The following RAB37 variants were observed in gnomAD, a reference collection of about 807,000 sequenced individuals.
The protein encoded by RAB37 is ras-related protein Rab-37.
A neutral mutation model predicts 33.1 loss-of-function variants in RAB37; 29 were observed. The observed-to-expected ratio is 0.88, with a 90% CI of 0.65 to 1.20. The LOEUF (loss-of-function observed/expected upper bound fraction) is 1.20, where lower values mean the gene tolerates loss of function less well. RAB37 is among the 50% of genes most tolerant of loss of function. RAB37 has a pLI of 0.00. For missense variants in RAB37, 299 were observed against 301.1 expected, an observed-to-expected ratio of 0.99 and a Z score of 0.05; for synonymous variants, 128 against 119.5, an observed-to-expected ratio of 1.07 and a Z score of -0.47.
chr17:74,727,601 C>A (rs1045460527), intron 1 of RAB37, among the ~76,000 whole-genome samples: 3 of 152,238 alleles, frequency 2.0e-5, no homozygotes, highest in African/African-American at 7.2e-5. Flanking sequence ...GGAAGCATGA[C>A]CTTGGTGCAA....
At chr17:74,736,948 TC>T, upstream of RAB37, 1 of 1,520,582 alleles carries the variant, frequency 6.6e-7, no homozygotes. Flanking sequence ...GCAGACGGGG[TC>T]CCCGCGGCCC....
chr17:74,707,055 G>T (rs539425762), intron 1 of RAB37, among the ~76,000 whole-genome samples: 1 of 152,194 alleles, frequency 6.6e-6, no homozygotes, highest in African/African-American at 2.4e-5. Context: ...TAATGGAAAA[G>T]CTCCACAACA....
intron 1 of RAB37, among the ~76,000 whole-genome samples, chr17:74,721,589 T>C (rs2034241662): frequency 6.6e-6 from 1 of 152,068 alleles, no homozygotes; most frequent in South Asian, 2.1e-4. Context: ...CACGTCACCA[T>C]GCCCTGCTAA....
rs2032283267 is a variant in RAB37 at position 74,694,944 on chromosome 17, C to G, written c.72+23286C>G. ...CTAGAAGCCCCCTGAGACTTGGCCCCAAGCCCAACCCAGAGCTAGGGGCAA... is the reference window on the plus strand; with the variant it reads ...CTAGAAGCCCCCTGAGACTTGGCCCGAAGCCCAACCCAGAGCTAGGGGCAA... On this transcript the variant is annotated intron_variant, in intron 1 of 7. Transcript: ENST00000340415. The G allele has an allele frequency of 1.3e-5, 11 of 834,996 alleles. No homozygotes were observed. The East Asian group carries it at 2.9e-4, about 22-fold the overall frequency. 51.7% of individuals were successfully genotyped at this position (834,996 alleles called of 1,614,324 possible).
At chr17:74,689,538 A>G (rs1324904056) in intron 1 of RAB37, among the ~76,000 whole-genome samples, 1 of 152,214 alleles carries the variant, frequency 6.6e-6, no homozygotes, top group Admixed American at 6.5e-5. Context: ...GAACTGACCA[A>G]TTACCAATTC....
chr17:74,696,655 C>G (rs989037823), intron 1 of RAB37, among the ~76,000 whole-genome samples: 48 of 152,124 alleles, frequency 3.2e-4, no homozygotes, highest in African/African-American at 1.1e-3. Flanking sequence ...CCCTCCCGGG[C>G]CCCCGGGGGG....
chr17:74,731,970 A>C (rs2034389578), intron 2 of RAB37, among the ~76,000 whole-genome samples: 1 of 151,738 alleles, frequency 6.6e-6, no homozygotes, highest in African/African-American at 2.4e-5. Context: ...ATATCATGCC[A>C]TTGCGCTACA....
At chr17:74,675,442 A>G (rs1406984138) in intron 1 of RAB37, among the ~76,000 whole-genome samples, 2 of 152,060 alleles carry the variant, frequency 1.3e-5, no homozygotes, top group Non-Finnish European at 2.9e-5. Flanking sequence ...CGAAAAAAAA[A>G]AAAAAGTGGT....
In RAB37 at chr17:74,744,345, A is replaced by T. The variant is rs143298131; in HGVS notation, c.404A>T (p.Asp135Val). The T allele has an allele frequency of 8.1e-6, 13 of 1,614,114 alleles. No homozygotes were observed. The African/African-American group carries it at 1.7e-4, about 22-fold the overall frequency. Residue 135 changes from aspartate (D) to valine (V), a missense_variant, in exon 6 of 9, where the codon GAC becomes GTC. Asp to Val is a radical substitution (Grantham distance 152). Transcript: ENST00000392613. This position sits in a 1 kb window ranked among gnomAD's most constrained non-coding sequence, Gnocchi z 4.2. ...GAGATTCATGAGTATGCCCAGAGGG[A>T]CGTGGTGATCATGCTGCTAGGCAAC... ...LTEIHEYAQRDVVIMLLGNKA... is the reference protein window; with the variant it reads ...LTEIHEYAQRVVVIMLLGNKA...
intron 1 of RAB37, among the ~76,000 whole-genome samples, chr17:74,723,815 C>T (rs1192941877): frequency 6.6e-6 from 1 of 152,056 alleles, no homozygotes; most frequent in Admixed American, 6.6e-5. Flanking sequence ...ACCTCGTGAT[C>T]CACTTGCCTT....
rs191675435 is a variant in RAB37, at chr17:74,702,650, C to T, written c.73-26606C>T. ...TCATCCCTGCGGCTCCATGACCCCACGCCCACACTCACATGAGACACACTG... is the reference window on the plus strand; with the variant it reads ...TCATCCCTGCGGCTCCATGACCCCATGCCCACACTCACATGAGACACACTG... On this transcript the variant is annotated intron_variant, in intron 1 of 7. Transcript: ENST00000340415. Among the ~76,000 whole-genome samples the T allele has an allele frequency of 3.9e-5, 6 of 152,210 alleles. No individual in the cohort carries two copies. The East Asian group carries it at 9.6e-4, about 24-fold the overall frequency.
At position 74,685,913 on chromosome 17, in the gene RAB37, T is replaced by A. The variant is rs1400236023; in HGVS notation, c.72+14255T>A. Among the ~76,000 whole-genome samples, 3 of 152,172 alleles carry A rather than the reference T, an allele frequency of 2.0e-5. No individual in the cohort carries two copies. The East Asian group carries it at 5.8e-4, about 29-fold the overall frequency. On this transcript the variant is annotated intron_variant, in intron 1 of 7. Coordinates refer to the RAB37 transcript ENST00000340415. Reference sequence around the variant, plus strand: ...CCCAAATGCAGTTAGTCACCGTTAATTGGGTCTCAGGAGTGGAGGAGCAAA... The same window carrying A: ...CCCAAATGCAGTTAGTCACCGTTAAATGGGTCTCAGGAGTGGAGGAGCAAA...
rs181000774 is a variant in RAB37, at chr17:74,674,183, T to A, written c.72+2525T>A. ...CCTCTGCCTCCCAGGCAAGTGATTC[T>A]CCCACCTCAGCCTCCCCAGTAACTG... On this transcript the variant is annotated intron_variant, in intron 1 of 7. Coordinates refer to the RAB37 transcript ENST00000340415. Among the ~76,000 whole-genome samples the A allele has an allele frequency of 3.5e-3, 529 of 152,188 alleles. 2 individuals are homozygous for A. The highest frequency in any genetic ancestry group is 4.8e-3 in the Non-Finnish European group (329 of 67,990).
Position 74,745,498 on chromosome 17 carries a change from C to G in RAB37, c.*87C>G. 2 of 1,092,846 alleles carry G rather than the reference C, an allele frequency of 1.8e-6. No individual in the cohort carries two copies. Among genetic ancestry groups the G allele is most frequent in the Non-Finnish European group, 2.8e-6 (2 of 722,392 alleles). 67.7% of individuals were successfully genotyped at this position (1,092,846 alleles called of 1,614,324 possible). A position where few individuals can be genotyped will look rare whatever the true frequency, so the allele number is the denominator to read the frequency against. ...CCTGGCTTATTCCAAGAGGCTGAGC[C>G]AATGGGGAGAAAGATGGAGGACTCA... On this transcript the variant is annotated 3_prime_UTR_variant, in exon 9 of 9. Transcript: ENST00000392613. The surrounding 1 kb of genome is among the most constrained non-coding windows in gnomAD (Gnocchi z 4.5).
intron 5 of RAB37, among the ~76,000 whole-genome samples, chr17:74,743,810 A>G (rs1321016884): frequency 6.6e-6 from 1 of 152,224 alleles, no homozygotes; most frequent in African/African-American, 2.4e-5. Context: ...ACGACATTGT[A>G]TAGGTTTCAT....
intron 2 of RAB37, among the ~76,000 whole-genome samples, chr17:74,732,081 A>C (rs181734977): frequency 6.6e-6 from 1 of 151,904 alleles, no homozygotes. Flanking sequence ...ACGGTTCACT[A>C]TTACCTTCCA....
rs1429149494 is a variant in RAB37 at position 74,713,054 on chromosome 17, C to A, written c.73-16202C>A. ...GGGCACCGTGGCTCAGGCCTGTAATCCTGGCACTTTGGGAGGCCAAGGCGG... is the reference window on the plus strand; with the variant it reads ...GGGCACCGTGGCTCAGGCCTGTAATACTGGCACTTTGGGAGGCCAAGGCGG... On this transcript the variant is annotated intron_variant, in intron 1 of 7. Coordinates refer to the RAB37 transcript ENST00000340415. The A allele has an allele frequency of 5.0e-6, 3 of 594,832 alleles. No individual in the cohort carries two copies. In the Admixed American group the frequency reaches 9.1e-5, roughly 18 times the overall value. The allele number at this position is 594,832 out of a possible 1,614,324, so 36.8% of individuals were successfully genotyped here.
At chr17:74,712,952 A>G in intron 1 of RAB37, 1 of 1,362,040 alleles carries the variant, frequency 7.3e-7, no homozygotes, top group Non-Finnish European at 1.0e-6. Flanking sequence ...GCTGGTACTC[A>G]CTCTCGCCCT....
chr17:74,697,356 A>C (rs2032591984), intron 1 of RAB37, among the ~76,000 whole-genome samples: 1 of 152,162 alleles, frequency 6.6e-6, no homozygotes, highest in Non-Finnish European at 1.5e-5. Context: ...GGGACAACAA[A>C]GAAATGGGGG....
Sources: gnomAD v4.1 joint callset for allele counts (sites outside exome capture counted in the v4.1 genomes callset) on GRCh38, gnomAD v4.1.1 for gene constraint, Gnocchi (gnomAD v3.1) non-coding constraint, MANE v1.5 for transcripts, NCBI Gene and HGNC (gene_info 2026-07-23, HGNC 2026-07-21) for gene names.